TRPM1: variants seen among roughly 807,000 people sequenced by gnomAD.
TRPM1 encodes the protein transient receptor potential cation channel subfamily M member 1.
TRPM1 carries 113 observed loss-of-function variants against 149.4 expected under a neutral mutation model. The ratio of observed to expected loss-of-function variants is 0.76; its 90% confidence interval spans 0.65 to 0.88. The LOEUF is 0.88. Among genes scored for constraint, TRPM1 ranks in the 40% least tolerant of loss-of-function variants. The pLI, the probability that TRPM1 is intolerant of heterozygous loss-of-function variation, is 0.00. For missense variants in TRPM1, 1,976 were observed against 2,038.7 expected, an observed-to-expected ratio of 0.97 and a Z score of 0.59; for synonymous variants, 741 against 759.5, an observed-to-expected ratio of 0.98 and a Z score of 0.40.
intron 27 of TRPM1, among the ~76,000 whole-genome samples, chr15:31,014,178 G>A (rs1246511840): frequency 6.6e-6 from 1 of 152,024 alleles, no homozygotes; most frequent in Non-Finnish European, 1.5e-5. Flanking sequence ...TAGTTTTTTG[G>A]TTAGTCTATT....
At chr15:31,157,201 C>T (rs746765266) in intron 1 of TRPM1, among the ~76,000 whole-genome samples, 1 of 152,202 alleles carries the variant, frequency 6.6e-6, no homozygotes, top group Non-Finnish European at 1.5e-5. Flanking sequence ...GTGTGAGCCA[C>T]CACGCCTGGC....
intron 4 of TRPM1, 88 bp from the exon 5 acceptor site, chr15:31,068,180 A>AGTTCTTGCTTGGAC: frequency 8.3e-7 from 1 of 1,202,480 alleles, no homozygotes; most frequent in Non-Finnish European, 1.2e-6. Flanking sequence ...ATGTCCAAGC[A>AGTTCTTGCTTGGAC]AGAACTGCCT....
At chr15:31,145,082 T>A (rs1456034754) in intron 1 of TRPM1, among the ~76,000 whole-genome samples, 3 of 152,178 alleles carry the variant, frequency 2.0e-5, no homozygotes, top group Admixed American at 2.0e-4. Flanking sequence ...TCTTCTAATT[T>A]TCTCCAATAT....
intron 1 of TRPM1, among the ~76,000 whole-genome samples, chr15:31,089,051 A>G (rs1224624592): frequency 6.6e-6 from 1 of 152,182 alleles, no homozygotes; most frequent in Admixed American, 6.5e-5. Flanking sequence ...GAAATCCAGT[A>G]ATTAGGATAA....
intron 1 of TRPM1, among the ~76,000 whole-genome samples, chr15:31,134,356 G>T (rs919315961): frequency 6.6e-6 from 1 of 152,176 alleles, no homozygotes; most frequent in Non-Finnish European, 1.5e-5. Flanking sequence ...TTGGCATAAG[G>T]TTTATTTTGA....
chr15:31,104,300 G>A (rs1025115953), upstream of TRPM1, among the ~76,000 whole-genome samples: 1 of 152,180 alleles, frequency 6.6e-6, no homozygotes, highest in Admixed American at 6.5e-5. Flanking sequence ...GAGGTCATGG[G>A]AGATCCCCAG....
At chr15:31,107,869 T>G (rs911251258) in intron 1 of TRPM1, among the ~76,000 whole-genome samples, 14 of 151,850 alleles carry the variant, frequency 9.2e-5, no homozygotes, top group African/African-American at 3.4e-4. Flanking sequence ...TTTTCTTTTT[T>G]TTTTTTGAGA....
chr15:31,067,850 T>C (rs2140963554), intron 5 of TRPM1, 29 bp downstream of exon 5: 1 of 1,608,928 alleles, frequency 6.2e-7, no homozygotes. Flanking sequence ...GGTACATTGA[T>C]TATCGGGAGG....
chr15:31,060,620 T>G lies in TRPM1; in HGVS notation c.1187A>C (p.Gln396Pro). ...LKGTNVSAPD[Q>P]LSLALAWNRV... ...GTTCCAAGCCAGTGCCAAGCTCAGC[T>G]GATCTGGAGCAGATACGTTTGTTCC... The change falls in exon 11 of 28, where the codon CAG becomes CCG. Residue 396 changes from glutamine (Q) to proline (P), a missense_variant. Gln to Pro is a moderately conservative substitution (Grantham distance 76, BLOSUM62 -1). Coordinates refer to ENST00000256552, the MANE Select transcript of TRPM1 (RefSeq NM_001252024.2). 1 of 1,614,248 alleles carries G rather than the reference T, an allele frequency of 6.2e-7. No individual in the cohort carries two copies. The highest frequency in any genetic ancestry group is 8.5e-7 in the Non-Finnish European group (1 of 1,180,036).
At chr15:31,151,757 C>T (rs1273035526) in intron 1 of TRPM1, among the ~76,000 whole-genome samples, 2 of 152,244 alleles carry the variant, frequency 1.3e-5, no homozygotes. Context: ...CCTCTGACCT[C>T]ACATCTCCCT....
Position 31,067,142 on chromosome 15 carries a change from T to A in TRPM1, c.539A>T (p.Lys180Met), listed in dbSNP as rs2034400273. Residue 180 changes from lysine (K) to methionine (M), a missense_variant, in exon 6 of 28, where the codon AAG (lysine) becomes ATG (methionine). Physicochemically the swap from Lys to Met is moderately conservative, Grantham distance 95. Transcript: ENST00000256552. ...VGDALKDHSSKSRGRVCAIGI... is the reference protein window; with the variant it reads ...VGDALKDHSSMSRGRVCAIGI... Reference sequence around the variant, plus strand: ...TATAGCACAAACCCGGCCTCTGGACTTGGAGGAGTGGTCTTTCAAGGCATC... The same window carrying A: ...TATAGCACAAACCCGGCCTCTGGACATGGAGGAGTGGTCTTTCAAGGCATC... The A allele has an allele frequency of 2.5e-6, 4 of 1,614,072 alleles. No homozygotes were observed. The South Asian group carries it at 4.4e-5, about 18-fold the overall frequency.
chr15:31,007,458 A>G (rs1220566196), intron 27 of TRPM1, among the ~76,000 whole-genome samples: 4 of 152,146 alleles, frequency 2.6e-5, no homozygotes, highest in South Asian at 2.1e-4. Context: ...TTCTTTTTCA[A>G]AATTGTTTTA....
upstream of TRPM1, chr15:31,101,794 T>C (rs1202085142): frequency 2.3e-6 from 2 of 880,120 alleles, no homozygotes; most frequent in Admixed American, 6.2e-5. Flanking sequence ...CACTTGGGCC[T>C]GGGCCCTCAT....
intron 26 of TRPM1, 155 bp from the exon 27 acceptor site, chr15:31,026,426 G>T: frequency 1.0e-6 from 1 of 960,526 alleles, no homozygotes; most frequent in Non-Finnish European, 1.6e-6. Flanking sequence ...ATCTAAAAAG[G>T]GGTTGTCATA....
At chr15:31,069,617 G>A (rs2034475498) in intron 4 of TRPM1, 1 of 1,312,610 alleles carries the variant, frequency 7.6e-7, no homozygotes, top group Non-Finnish European at 9.6e-7. Flanking sequence ...GGCCAGCTGA[G>A]CGCAGGCCCA....
rs1322661460 is a variant in TRPM1 at position 31,060,663 on chromosome 15, G to A, written c.1163-19C>T. ...TTTGTTCCTGGAAAGGCAAGAAACC[G>A]GAATGATTTTTCACTCCACGCCTGG... On this transcript the variant is annotated intron_variant, in intron 10 of 27. Coordinates refer to ENST00000256552, the MANE Select transcript of TRPM1 (RefSeq NM_001252024.2). 11 of 1,609,528 alleles carry A rather than the reference G, an allele frequency of 6.8e-6. No individual in the cohort carries two copies. In the East Asian group the frequency reaches 1.6e-4, roughly 23 times the overall value.
chr15:31,159,489 C>T (rs889684919), intron 1 of TRPM1, among the ~76,000 whole-genome samples: 3 of 152,056 alleles, frequency 2.0e-5, no homozygotes, highest in African/African-American at 7.2e-5. Flanking sequence ...AGTGCATTTG[C>T]GAATGTGAAC....
chr15:31,158,626 CAA>C (rs749062439), intron 1 of TRPM1, among the ~76,000 whole-genome samples: 4,167 of 59,564 alleles, frequency 0.07, 59 homozygotes, highest in South Asian at 0.15. Flanking sequence ...GACTCCATCT[CAA>C]AAAAAAAAAA....
intron 15 of TRPM1, among the ~76,000 whole-genome samples, chr15:31,046,725 T>A (rs1051539136): frequency 1.3e-5 from 2 of 152,176 alleles, no homozygotes; most frequent in African/African-American, 4.8e-5. Context: ...ATAATGAGTT[T>A]GGATACGATT....
Sources: allele counts gnomAD v4.1 joint callset (sites outside exome capture counted in the v4.1 genomes callset), GRCh38; gene constraint gnomAD v4.1.1; transcripts MANE v1.5; gene names NCBI Gene and HGNC (gene_info 2026-07-23, HGNC 2026-07-21).